STK32A: variants seen among roughly 807,000 people sequenced by gnomAD.
The protein encoded by STK32A is serine/threonine-protein kinase 32A.
A neutral mutation model predicts 53.2 loss-of-function variants in STK32A; 41 were observed. That is an observed-to-expected ratio of 0.77 (90% CI 0.60 to 1.00). The LOEUF is 1.00. STK32A is among the 50% of genes least tolerant of loss of function. The pLI is 0.00. For missense variants in STK32A, 458 were observed against 485.8 expected, an observed-to-expected ratio of 0.94 and a Z score of 0.54; for synonymous variants, 166 against 162.8, an observed-to-expected ratio of 1.02 and a Z score of -0.15.
At chr5:147,396,284 C>T in the STK32A span, among the ~76,000 whole-genome samples, 1 of 152,174 alleles carries the variant, frequency 6.6e-6, no homozygotes, top group South Asian at 2.1e-4. Flanking sequence ...TGGCTGTGAA[C>T]TTGCCCTGGG....
intron 4 of STK32A, among the ~76,000 whole-genome samples, chr5:147,299,396 G>T (rs1753022355): frequency 6.6e-6 from 1 of 152,094 alleles, no homozygotes; most frequent in Admixed American, 6.5e-5. Context: ...CCCGTATCTT[G>T]TGCTGACCTC....
chr5:147,310,189 G>A (rs78938664), intron 4 of STK32A, among the ~76,000 whole-genome samples: 11,201 of 152,208 alleles, frequency 0.074, 768 homozygotes, highest in East Asian at 0.21. Flanking sequence ...CAGAGACAGG[G>A]GAAAAGCAAA....
chr5:147,358,406 T>G (rs1756353194), intron 7 of STK32A, among the ~76,000 whole-genome samples: 1 of 152,160 alleles, frequency 6.6e-6, no homozygotes, highest in Non-Finnish European at 1.5e-5. Flanking sequence ...TTACACATTC[T>G]TATCACCAAC....
chr5:147,400,302 G>T, the STK32A span, among the ~76,000 whole-genome samples: 2 of 152,132 alleles, frequency 1.3e-5, no homozygotes, highest in Admixed American at 1.3e-4. Flanking sequence ...GATGACTTTG[G>T]TCTAGACACA....
intron 2 of STK32A, among the ~76,000 whole-genome samples, chr5:147,240,357 T>TG (rs1753519073): frequency 6.6e-6 from 1 of 152,096 alleles, no homozygotes; most frequent in Non-Finnish European, 1.5e-5. Context: ...ATAGGTTGTC[T>TG]GGGGGAAAAA....
chr5:147,267,542 A>G (rs1050017784), intron 2 of STK32A, among the ~76,000 whole-genome samples: 1 of 152,214 alleles, frequency 6.6e-6, no homozygotes, highest in Non-Finnish European at 1.5e-5. Flanking sequence ...AATGTATATT[A>G]AGGTATTTGG....
At chr5:147,259,853 C>A in intron 2 of STK32A, among the ~76,000 whole-genome samples, 1 of 141,958 alleles carries the variant, frequency 7.0e-6, no homozygotes, top group African/African-American at 2.6e-5. Context: ...TCTCTCTCCT[C>A]TCTCCCTCTC....
At chr5:147,360,706 C>T (rs1375275812) in intron 7 of STK32A, among the ~76,000 whole-genome samples, 1 of 152,124 alleles carries the variant, frequency 6.6e-6, no homozygotes, top group African/African-American at 2.4e-5. Flanking sequence ...TTCTGAATGC[C>T]AGATTCTGTA....
intron 4 of STK32A, among the ~76,000 whole-genome samples, chr5:147,279,636 G>GC (rs112615209): frequency 8.1e-5 from 12 of 148,428 alleles, no homozygotes; most frequent in African/African-American, 3.2e-4. Flanking sequence ...TGTCATGTAA[G>GC]GGGGGGTTTG....
chr5:147,332,758 G>A (rs935416236), intron 5 of STK32A, among the ~76,000 whole-genome samples: 2 of 152,212 alleles, frequency 1.3e-5, no homozygotes, highest in Non-Finnish European at 2.9e-5. Context: ...GTATTAGGTT[G>A]ATGTGTTCTA....
At chr5:147,328,757 G>T (rs1754721589) in intron 5 of STK32A, among the ~76,000 whole-genome samples, 1 of 152,094 alleles carries the variant, frequency 6.6e-6, no homozygotes, top group African/African-American at 2.4e-5. Flanking sequence ...TCTATTTGTT[G>T]ATTGCCTCAG....
chr5:147,251,018 G>T (rs1013390087), intron 2 of STK32A, among the ~76,000 whole-genome samples: 1 of 151,736 alleles, frequency 6.6e-6, no homozygotes, highest in Non-Finnish European at 1.5e-5. Flanking sequence ...AAAAGGAAGC[G>T]GAGAAATAAA....
chr5:147,362,335 A>G (rs114867718), intron 8 of STK32A, among the ~76,000 whole-genome samples: 80 of 152,318 alleles, frequency 5.3e-4, no homozygotes, highest in African/African-American at 1.9e-3. Context: ...AGATGCCAGA[A>G]TGGTTGGGTT....
chr5:147,238,536 T>A (rs1402888130), intron 1 of STK32A, among the ~76,000 whole-genome samples: 1 of 152,196 alleles, frequency 6.6e-6, no homozygotes, highest in African/African-American at 2.4e-5. Context: ...GTTTTCAGGA[T>A]CTTTTCTTGT....
At chr5:147,396,069 C>G in the STK32A span, among the ~76,000 whole-genome samples, 2 of 152,176 alleles carry the variant, frequency 1.3e-5, no homozygotes, top group Admixed American at 6.5e-5. Context: ...CAAGGGCAGA[C>G]AGCTGAAGTG....
At chr5:147,351,189 C>A in intron 7 of STK32A, 35 bp downstream of exon 7, 1 of 1,524,212 alleles carries the variant, frequency 6.6e-7, no homozygotes, top group Non-Finnish European at 9.1e-7. Flanking sequence ...TTTTTTCTTT[C>A]CTGTAAATAC....
downstream of STK32A, chr5:147,392,682 C>A (rs980530559): frequency 1.3e-5 from 2 of 152,170 alleles, no homozygotes; most frequent in Admixed American, 6.5e-5. Context: ...GATCGAAGCA[C>A]CCACACTAAT....
intron 7 of STK32A, among the ~76,000 whole-genome samples, chr5:147,352,942 G>A (rs1756052428): frequency 6.6e-6 from 1 of 152,202 alleles, no homozygotes; most frequent in African/African-American, 2.4e-5. Context: ...GCTCCTGTCA[G>A]TGTGACTTCC....
chr5:147,271,148 G>C (rs1755015260), intron 2 of STK32A, among the ~76,000 whole-genome samples: 2 of 152,088 alleles, frequency 1.3e-5, no homozygotes, highest in Admixed American at 1.3e-4. Context: ...TTAAAACCAT[G>C]GCAGAAGAAC....
Sources: allele counts gnomAD v4.1 joint callset (sites outside exome capture counted in the v4.1 genomes callset), GRCh38; gene constraint gnomAD v4.1.1; transcripts MANE v1.5; gene names NCBI Gene and HGNC (gene_info 2026-07-23, HGNC 2026-07-21).